CENPP: variants seen among roughly 807,000 people sequenced by gnomAD.
CENPP encodes centromere protein P.
A neutral mutation model predicts 35.6 loss-of-function variants in CENPP; 24 were observed. The observed-to-expected ratio is 0.67, with a 90% CI of 0.49 to 0.95. CENPP has a LOEUF of 0.95. CENPP is among the 40% of genes least tolerant of loss of function. The probability of loss-of-function intolerance (pLI) is 0.00; values close to 1 mark genes in which losing one functional copy is unlikely to be tolerated. For missense variants in CENPP, 332 were observed against 345.3 expected (o/e 0.96, Z 0.31); for synonymous variants, 120 against 125.5 (o/e 0.96, Z 0.29).
At chr9:92,553,242 G>C (rs936599992) in intron 5 of CENPP, among the ~76,000 whole-genome samples, 2 of 151,970 alleles carry the variant, frequency 1.3e-5, no homozygotes, top group African/African-American at 4.8e-5. Flanking sequence ...TTTATTTCTG[G>C]GTTGTCTATT....
intron 5 of CENPP, among the ~76,000 whole-genome samples, chr9:92,559,416 G>A (rs1849800419): frequency 6.6e-6 from 1 of 152,194 alleles, no homozygotes; most frequent in African/African-American, 2.4e-5. Context: ...TGTGTGTTTA[G>A]GAGAGACGGG....
At chr9:92,581,230 A>G (rs1262286181) in intron 5 of CENPP, among the ~76,000 whole-genome samples, 3 of 152,140 alleles carry the variant, frequency 2.0e-5, no homozygotes, top group Admixed American at 6.6e-5. Flanking sequence ...CGAGAGGTAT[A>G]TGATGGGGAA....
chr9:92,393,039 A>T, intron 5 of CENPP: 1 of 1,513,838 alleles, frequency 6.6e-7, no homozygotes, highest in Non-Finnish European at 9.1e-7. Flanking sequence ...ATATGAGTTA[A>T]ATACTAATAC....
At chr9:92,353,793 G>T (rs1841524570) in intron 4 of CENPP, among the ~76,000 whole-genome samples, 1 of 152,142 alleles carries the variant, frequency 6.6e-6, no homozygotes, top group Non-Finnish European at 1.5e-5. Context: ...TAGGGGTGTT[G>T]GTGAGTGGTG....
intron 5 of CENPP, chr9:92,389,881 A>C: frequency 6.2e-7 from 1 of 1,612,042 alleles, no homozygotes; most frequent in Non-Finnish European, 8.5e-7. Context: ...TGATTCCCCT[A>C]CTCTTGATTT....
chr9:92,499,217 T>C (rs930821761), intron 5 of CENPP, among the ~76,000 whole-genome samples: 2 of 152,198 alleles, frequency 1.3e-5, no homozygotes, highest in Non-Finnish European at 1.5e-5. Context: ...TATATATTGA[T>C]TCACCAGAAA....
chr9:92,457,626 G>A (rs919379687), intron 5 of CENPP: 1 of 662,550 alleles, frequency 1.5e-6, no homozygotes, highest in Non-Finnish European at 2.6e-6. Flanking sequence ...TAAAGTAGAT[G>A]TACTCACTTA....
chr9:92,474,572 T>C, intron 5 of CENPP: 1 of 1,549,772 alleles, frequency 6.5e-7, no homozygotes, highest in Non-Finnish European at 8.6e-7. Context: ...ATCCTTTAAA[T>C]TGTCAGAATA....
intron 5 of CENPP, among the ~76,000 whole-genome samples, chr9:92,587,335 G>A (rs765010537): frequency 6.6e-6 from 1 of 152,108 alleles, no homozygotes; most frequent in Non-Finnish European, 1.5e-5. Flanking sequence ...CAGGCATGGT[G>A]GCGTATACCT....
intron 5 of CENPP, among the ~76,000 whole-genome samples, chr9:92,557,246 C>T (rs1356705049): frequency 3.9e-5 from 6 of 152,170 alleles, no homozygotes; most frequent in African/African-American, 1.4e-4. Context: ...TCTCACAGCT[C>T]TTAGGATTCT....
chr9:92,415,745 A>G (rs1843573759), intron 5 of CENPP, among the ~76,000 whole-genome samples: 1 of 149,202 alleles, frequency 6.7e-6, no homozygotes, highest in East Asian at 1.9e-4. Flanking sequence ...ATTATCTACA[A>G]TCCCACTACT....
intron 5 of CENPP, among the ~76,000 whole-genome samples, chr9:92,584,968 A>G (rs1294641686): frequency 1.3e-5 from 2 of 152,262 alleles, no homozygotes; most frequent in African/African-American, 4.8e-5. Flanking sequence ...TGCATGTTAT[A>G]TAGTTGTTTC....
intron 5 of CENPP, chr9:92,535,799 C>T (rs1849134216): frequency 3.4e-6 from 1 of 296,838 alleles, no homozygotes; most frequent in African/African-American, 2.3e-5. Context: ...CAGAATAATG[C>T]ATACTTTGAA....
intron 5 of CENPP, among the ~76,000 whole-genome samples, chr9:92,533,331 ATATATATATATAT>A (rs1848971086): frequency 3.8e-5 from 3 of 79,096 alleles, no homozygotes; most frequent in Admixed American, 1.7e-4. Context: ...AAAAAAAAAT[ATATATATATATAT>A]ATATATATAT....
intron 5 of CENPP, among the ~76,000 whole-genome samples, chr9:92,446,680 G>A (rs1844559430): frequency 6.6e-6 from 1 of 152,106 alleles, no homozygotes; most frequent in South Asian, 2.1e-4. Context: ...AAGGCAGCAT[G>A]TTAGCTTTGG....
chr9:92,417,548 A>T, intron 5 of CENPP: 1 of 1,565,832 alleles, frequency 6.4e-7, no homozygotes, highest in South Asian at 1.2e-5. Context: ...TATTGGACTT[A>T]AAAAACCCAT....
chr9:92,414,897 A>G lies in CENPP; in HGVS notation c.564+35038A>G, dbSNP rs781317946. 2.3e-5 allele frequency: 7 copies of G among 304,596 alleles called. No individual in the cohort carries two copies. The East Asian group carries it at 3.1e-4, about 13-fold the overall frequency. 18.9% of individuals were successfully genotyped at this position (304,596 alleles called of 1,614,324 possible). On this transcript the variant is annotated intron_variant, in intron 5 of 7. Coordinates refer to ENST00000375587, the MANE Select transcript of CENPP (RefSeq NM_001012267.3). ...TGATATTTCTATATTTAAAAAGAGC[A>G]TAAGAAACCATTAACGTTTAATTTA... is the stretch of plus-strand genomic sequence containing the variant.
chr9:92,532,041 T>TTTTTTTTTTTA (rs1433523712), intron 5 of CENPP, among the ~76,000 whole-genome samples: 1 of 143,486 alleles, frequency 7.0e-6, no homozygotes, highest in Admixed American at 6.8e-5. Context: ...TTTATTTTTT[T>TTTTTTTTTTTA]TTTGAGATGA....
intron 5 of CENPP, among the ~76,000 whole-genome samples, chr9:92,599,389 A>C (rs554692042): frequency 1.3e-5 from 2 of 152,166 alleles, no homozygotes; most frequent in Non-Finnish European, 2.9e-5. Context: ...TTGTGTGGTC[A>C]GTAGTTTTTG....
Sources: allele counts gnomAD v4.1 joint callset (sites outside exome capture counted in the v4.1 genomes callset), GRCh38; gene constraint gnomAD v4.1.1; transcripts MANE v1.5; gene names NCBI Gene and HGNC (gene_info 2026-07-23, HGNC 2026-07-21).